The following CNTNAP2 variants were observed in gnomAD, a reference collection of about 807,000 sequenced individuals.
The protein encoded by CNTNAP2 is contactin-associated protein-like 2.
CNTNAP2 carries 98 observed loss-of-function variants against 155.2 expected under a neutral mutation model. That is an observed-to-expected ratio of 0.63 (90% CI 0.54 to 0.75). CNTNAP2 has a LOEUF of 0.75. CNTNAP2 is among the 30% of genes least tolerant of loss of function. The pLI, the probability that CNTNAP2 is intolerant of heterozygous loss-of-function variation, is 0.00. For synonymous variants in CNTNAP2, 651 were observed against 631.2 expected (o/e 1.03, Z -0.47); for missense variants, 1,727 against 1,688.1 (o/e 1.02, Z -0.40).
At chr7:146,891,390 G>A (rs896342902) in intron 3 of CNTNAP2, among the ~76,000 whole-genome samples, 14 of 151,984 alleles carry the variant, frequency 9.2e-5, no homozygotes, top group East Asian at 1.9e-4. Flanking sequence ...GTATACCCCC[G>A]AATGTAAAAG....
At chr7:146,131,570 T>C (rs1452870861) in intron 1 of CNTNAP2, among the ~76,000 whole-genome samples, 1 of 152,232 alleles carries the variant, frequency 6.6e-6, no homozygotes. Context: ...AACAAGATTG[T>C]TTCAGAACTT....
chr7:146,748,033 A>G (rs1801838148), intron 1 of CNTNAP2, among the ~76,000 whole-genome samples: 2 of 151,408 alleles, frequency 1.3e-5, no homozygotes, highest in African/African-American at 4.9e-5. Flanking sequence ...ATTTTTATTT[A>G]CTTTTTGAAT....
At chr7:147,661,913 G>A (rs1251094758) in intron 13 of CNTNAP2, among the ~76,000 whole-genome samples, 1 of 152,032 alleles carries the variant, frequency 6.6e-6, no homozygotes, top group Non-Finnish European at 1.5e-5. Context: ...GCCCTACCTA[G>A]TAGAAACTTT....
At chr7:147,686,877 T>A (rs977832887) in intron 13 of CNTNAP2, among the ~76,000 whole-genome samples, 2 of 151,854 alleles carry the variant, frequency 1.3e-5, no homozygotes, top group Non-Finnish European at 2.9e-5. Context: ...AGCTGTATAA[T>A]TTTTAAAGAG....
intron 15 of CNTNAP2, among the ~76,000 whole-genome samples, chr7:148,114,007 C>T (rs184158717): frequency 3.3e-5 from 5 of 152,342 alleles, no homozygotes; most frequent in Admixed American, 6.5e-5. Context: ...GTCCCTGCCA[C>T]CTCCTTTGGC....
At chr7:147,603,222 T>G (rs2116864060) in intron 12 of CNTNAP2, among the ~76,000 whole-genome samples, 1 of 152,214 alleles carries the variant, frequency 6.6e-6, no homozygotes, top group East Asian at 1.9e-4. Context: ...TGATTTGCAT[T>G]TCTCTGATGG....
At chr7:146,701,569 A>G (rs1800878593) in intron 1 of CNTNAP2, among the ~76,000 whole-genome samples, 1 of 152,162 alleles carries the variant, frequency 6.6e-6, no homozygotes, top group Admixed American at 6.6e-5. Context: ...TTAGAGTTTA[A>G]TACTTGATAG....
intron 14 of CNTNAP2, among the ~76,000 whole-genome samples, chr7:147,936,976 A>G (rs563935353): frequency 3.3e-4 from 50 of 152,282 alleles, no homozygotes; most frequent in Non-Finnish European, 4.7e-4. Context: ...GAGACATCCA[A>G]TTATGGAGCA....
At chr7:146,892,270 G>A (rs1244528579) in intron 3 of CNTNAP2, among the ~76,000 whole-genome samples, 3 of 152,100 alleles carry the variant, frequency 2.0e-5, no homozygotes, top group Non-Finnish European at 4.4e-5. Context: ...GACTTTGACA[G>A]CACAGTGCCT....
chr7:148,171,127 T>C (rs1039362362), intron 17 of CNTNAP2, among the ~76,000 whole-genome samples: 4 of 152,150 alleles, frequency 2.6e-5, no homozygotes, highest in Non-Finnish European at 5.9e-5. Flanking sequence ...CCTCAGTTTC[T>C]CCATCTGTAC....
intron 1 of CNTNAP2, among the ~76,000 whole-genome samples, chr7:146,135,232 A>G (rs183279333): frequency 1.3e-5 from 2 of 152,248 alleles, no homozygotes; most frequent in Admixed American, 6.6e-5. Context: ...TTAAAAATAT[A>G]TAATTATGAT....
At chr7:147,686,888 A>AG (rs1796024289) in intron 13 of CNTNAP2, among the ~76,000 whole-genome samples, 3 of 151,944 alleles carry the variant, frequency 2.0e-5, no homozygotes, top group Admixed American at 2.0e-4. Flanking sequence ...TTTTAAAGAG[A>AG]GGGTTATTAA....
At chr7:147,228,532 A>G (rs1803601127) in intron 8 of CNTNAP2, among the ~76,000 whole-genome samples, 2 of 152,216 alleles carry the variant, frequency 1.3e-5, no homozygotes, top group Non-Finnish European at 2.9e-5. Context: ...AGATGTAAAC[A>G]GCCTCTCAGC....
chr7:147,586,203 T>G (rs1800616527), intron 12 of CNTNAP2, among the ~76,000 whole-genome samples: 1 of 151,936 alleles, frequency 6.6e-6, no homozygotes, highest in South Asian at 2.1e-4. Context: ...GAGACAAAGG[T>G]TTTATTATGC....
chr7:147,740,303 A>G (rs974419274), intron 13 of CNTNAP2, among the ~76,000 whole-genome samples: 1 of 152,198 alleles, frequency 6.6e-6, no homozygotes, highest in African/African-American at 2.4e-5. Context: ...TGAATTTCAA[A>G]CTCAAAAGTG....
At chr7:146,668,851 T>C (rs1800246029) in intron 1 of CNTNAP2, among the ~76,000 whole-genome samples, 1 of 152,104 alleles carries the variant, frequency 6.6e-6, no homozygotes, top group African/African-American at 2.4e-5. Flanking sequence ...TTATGATGCC[T>C]CCTTTTTCAT....
intron 11 of CNTNAP2, among the ~76,000 whole-genome samples, chr7:147,530,763 C>T (rs1345537731): frequency 6.6e-6 from 1 of 152,162 alleles, no homozygotes; most frequent in Non-Finnish European, 1.5e-5. Flanking sequence ...CAAAACCAAT[C>T]ATGCCTTCCC....
chr7:146,551,393 GT>G, intron 1 of CNTNAP2, among the ~76,000 whole-genome samples: 1 of 151,962 alleles, frequency 6.6e-6, no homozygotes, highest in South Asian at 2.1e-4. Context: ...GTGGTGTTTG[GT>G]TTTTTGTCCT....
chr7:147,633,344 G>T (rs1042172900), intron 12 of CNTNAP2, among the ~76,000 whole-genome samples: 4 of 152,208 alleles, frequency 2.6e-5, no homozygotes, highest in Non-Finnish European at 4.4e-5. Context: ...CTAAACAGAA[G>T]TTTGCTTTGC....
Sources: gnomAD v4.1 joint callset for allele counts (sites outside exome capture counted in the v4.1 genomes callset) on GRCh38, gnomAD v4.1.1 for gene constraint, MANE v1.5 for transcripts, NCBI Gene and HGNC (gene_info 2026-07-23, HGNC 2026-07-21) for gene names.